The following LARP4B variants were observed in gnomAD, a reference collection of about 807,000 sequenced individuals.
LARP4B encodes La ribonucleoprotein 4B, also known as la-related protein 4B.
Under a neutral mutation model 89.8 loss-of-function variants are expected in LARP4B, and 12 were observed. The ratio of observed to expected loss-of-function variants is 0.13; its 90% confidence interval spans 0.09 to 0.22. The LOEUF (loss-of-function observed/expected upper bound fraction) is 0.22, where lower values mean the gene tolerates loss of function less well. Ranked by LOEUF, LARP4B falls within the 10% of genes least tolerant of loss-of-function variation. The probability of loss-of-function intolerance (pLI) is 1.00; values close to 1 mark genes in which losing one functional copy is unlikely to be tolerated. For synonymous variants in LARP4B, 367 were observed against 363.3 expected (o/e 1.01, Z -0.12); for missense variants, 757 against 947.7 (o/e 0.80, Z 2.64).
At chr10:909,014 G>T (rs1288932853) in intron 1 of LARP4B, among the ~76,000 whole-genome samples, 1 of 152,144 alleles carries the variant, frequency 6.6e-6, no homozygotes, top group African/African-American at 2.4e-5. Context: ...CCAAGTTGCG[G>T]CCAGGCGCGG....
At position 814,697 on chromosome 10, in the gene LARP4B, G is replaced by A. The variant is rs1831933472; in HGVS notation, c.1929+45C>T. 3 of 1,559,098 alleles carry A rather than the reference G, an allele frequency of 1.9e-6. No individual in the cohort carries two copies. In the South Asian group the frequency reaches 3.5e-5, roughly 18 times the overall value. ...GAGTGCGCAGCGTCTGTTCACACCA[G>A]AGCCTCGCGGCTGTCGTGCAGGAAG... is the stretch of plus-strand genomic sequence containing the variant. On this transcript the variant is annotated intron_variant, in intron 17 of 17. Coordinates refer to ENST00000316157, the MANE Select transcript of LARP4B (RefSeq NM_015155.3). This position sits in a 1 kb window ranked among gnomAD's most constrained non-coding sequence, Gnocchi z 4.4.
At chr10:863,614 G>C (rs1834739650) in intron 5 of LARP4B, 129 bp downstream of exon 5, 2 of 1,002,422 alleles carry the variant, frequency 2.0e-6, no homozygotes, top group East Asian at 2.6e-5. Flanking sequence ...ACATAAGGGT[G>C]AGTTTAAAGT....
At chr10:856,378 C>A (rs1364898072) in intron 5 of LARP4B, among the ~76,000 whole-genome samples, 1 of 152,156 alleles carries the variant, frequency 6.6e-6, no homozygotes, top group Admixed American at 6.5e-5. Context: ...ATGTGAGAAG[C>A]CTGCAAGTTA....
At chr10:923,635 T>C (rs1028982589) in intron 1 of LARP4B, among the ~76,000 whole-genome samples, 1 of 152,094 alleles carries the variant, frequency 6.6e-6, no homozygotes, top group African/African-American at 2.4e-5. Context: ...ATAAAAAGAA[T>C]GCTCAGAAAA....
chr10:982,453 G>C, the LARP4B span, among the ~76,000 whole-genome samples: 8,189 of 152,214 alleles, frequency 0.054, 403 homozygotes, highest in African/African-American at 0.13. Flanking sequence ...TCTCATGGCA[G>C]AGTGGGCCAG....
the LARP4B span, among the ~76,000 whole-genome samples, chr10:959,360 T>C: frequency 6.9e-6 from 1 of 144,556 alleles, no homozygotes; most frequent in Admixed American, 6.8e-5. Flanking sequence ...CACCTCCCCG[T>C]CAATCCCACC....
intron 1 of LARP4B, among the ~76,000 whole-genome samples, chr10:920,925 A>C (rs1276017666): frequency 6.6e-6 from 1 of 152,230 alleles, no homozygotes; most frequent in Non-Finnish European, 1.5e-5. Context: ...CATTTCGTAA[A>C]TATATGCTTT....
chr10:845,989 T>C lies in LARP4B; in HGVS notation c.431-934A>G, dbSNP rs143270895. On this transcript the variant is annotated intron_variant, in intron 5 of 17. Coordinates refer to ENST00000316157, the MANE Select transcript of LARP4B (RefSeq NM_015155.3). ...AGAGAGTTTGTATGGTGTTATACAA[T>C]GAGCTTAGTAAAAATCCACCCCCAT... Among the ~76,000 whole-genome samples, 8 of 152,256 alleles carry C rather than the reference T, an allele frequency of 5.3e-5. No homozygotes were observed. In the East Asian group the frequency reaches 7.7e-4, roughly 15 times the overall value.
At chr10:865,386 T>G (rs1408407791) in intron 3 of LARP4B, among the ~76,000 whole-genome samples, 2 of 152,180 alleles carry the variant, frequency 1.3e-5, no homozygotes, top group Non-Finnish European at 2.9e-5. Flanking sequence ...AGGGCAGTCC[T>G]CTACTCAAAA....
chr10:866,491 C>A (rs1834902482), intron 3 of LARP4B, among the ~76,000 whole-genome samples: 1 of 152,230 alleles, frequency 6.6e-6, no homozygotes, highest in Non-Finnish European at 1.5e-5. Context: ...CATGAGGGGG[C>A]AGGAGACAGC....
chr10:954,018 A>G, the LARP4B span, among the ~76,000 whole-genome samples: 4 of 152,226 alleles, frequency 2.6e-5, no homozygotes, highest in Admixed American at 6.5e-5. The surrounding 1 kb of genome is among the most constrained non-coding windows in gnomAD (Gnocchi z 5.0). Context: ...GCAGAGCCAC[A>G]TGGGTTTATC....
At chr10:964,241 AT>A in the LARP4B span, among the ~76,000 whole-genome samples, 22 of 152,042 alleles carry the variant, frequency 1.4e-4, no homozygotes, top group East Asian at 4.3e-3. Flanking sequence ...TAATTTTTGT[AT>A]TTTTAGTAGA....
chr10:912,811 G>T (rs1836707354), intron 1 of LARP4B, among the ~76,000 whole-genome samples: 1 of 152,016 alleles, frequency 6.6e-6, no homozygotes, highest in Non-Finnish European at 1.5e-5. Context: ...CTGGGAGGCA[G>T]AGGTTGCAGA....
chr10:848,166 C>A (rs1015823243), intron 5 of LARP4B, among the ~76,000 whole-genome samples: 2 of 151,936 alleles, frequency 1.3e-5, no homozygotes, highest in African/African-American at 4.8e-5. Context: ...AATGGTTAAC[C>A]CTCCCCACCA....
chr10:969,458 G>A, the LARP4B span, among the ~76,000 whole-genome samples: 3 of 152,150 alleles, frequency 2.0e-5, no homozygotes, highest in Non-Finnish European at 4.4e-5. Flanking sequence ...GGCTCGGCAC[G>A]GTGGCTCACA....
the LARP4B span, chr10:972,798 C>T: frequency 2.4e-3 from 1,074 of 456,768 alleles, 1 homozygote; most frequent in Non-Finnish European, 3.5e-3. Context: ...CCCAGGTAGC[C>T]GCATTCTTTC....
At chr10:981,680 C>A in the LARP4B span, among the ~76,000 whole-genome samples, 1 of 152,118 alleles carries the variant, frequency 6.6e-6, no homozygotes, top group Non-Finnish European at 1.5e-5. Flanking sequence ...AAGTGATTCT[C>A]CTGCTCAGCT....
chr10:886,531 A>C (rs899800403), intron 1 of LARP4B, among the ~76,000 whole-genome samples: 2 of 152,262 alleles, frequency 1.3e-5, no homozygotes, highest in African/African-American at 4.8e-5. Flanking sequence ...ACAATAGTCA[A>C]GACATAGAAA....
At position 813,179 on chromosome 10, in the gene LARP4B, T is replaced by C; in HGVS notation, c.1964A>G (p.Gln655Arg). Residue 655 changes from glutamine (Q) to arginine (R), a missense_variant, in exon 18 of 18, where the codon CAG becomes CGG. Physicochemically the swap from Gln to Arg is conservative, Grantham distance 43. This residue lies in a region of LARP4B where 387 missense variants were observed against 423.6 expected (regional missense o/e 0.91). Transcript: ENST00000316157. ...AGAAGGAGGCTCTTTACTCGTTCTC[T>C]GACAAATCTCTGCGTAGCTGGGCTT... ...LRKPSYAEIC[Q>R]RTSKEPPSSP... 1 of 1,613,150 alleles carries C rather than the reference T, an allele frequency of 6.2e-7. No individual in the cohort carries two copies. Among genetic ancestry groups the C allele is most frequent in the Non-Finnish European group, 8.5e-7 (1 of 1,179,790 alleles).
Sources: gnomAD v4.1 joint callset for allele counts (sites outside exome capture counted in the v4.1 genomes callset) on GRCh38, gnomAD v4.1.1 for gene constraint, gnomAD v4.1.1 regional missense constraint, Gnocchi (gnomAD v3.1) non-coding constraint, MANE v1.5 for transcripts, NCBI Gene and HGNC (gene_info 2026-07-23, HGNC 2026-07-21) for gene names.